Variants in ZCCHC4 observed in about 807,000 individuals in gnomAD.
The protein encoded by ZCCHC4 is rRNA N(6)-adenosine-methyltransferase ZCCHC4.
A neutral mutation model predicts 67.7 loss-of-function variants in ZCCHC4; 54 were observed. The ratio of observed to expected loss-of-function variants is 0.80; its 90% CI spans 0.64 to 1.00. The LOEUF (loss-of-function observed/expected upper bound fraction) is 1.00. ZCCHC4 is among the 50% of genes least tolerant of loss of function. The pLI is 0.00. For missense variants in ZCCHC4, 609 were observed against 617.0 expected (o/e 0.99, Z 0.14); for synonymous variants, 198 against 213.5 (o/e 0.93, Z 0.63).
chr4:25,349,410 T>A, intron 6 of ZCCHC4, 82 bp from the exon 7 acceptor site: 1 of 1,358,982 alleles, frequency 7.4e-7, no homozygotes, highest in African/African-American at 1.5e-5. Flanking sequence ...AGAGAGAGAC[T>A]GAGTCTAATG....
At chr4:25,319,797 G>A (rs1309049716) in intron 3 of ZCCHC4, among the ~76,000 whole-genome samples, 2 of 151,966 alleles carry the variant, frequency 1.3e-5, no homozygotes, top group Non-Finnish European at 2.9e-5. Context: ...ATTTTCTAAT[G>A]TGGATAATTT....
chr4:25,327,317 T>C (rs1718932027), intron 3 of ZCCHC4, among the ~76,000 whole-genome samples: 1 of 152,164 alleles, frequency 6.6e-6, no homozygotes, highest in African/African-American at 2.4e-5. Context: ...GCAATAGGTT[T>C]TTCTTTGATG....
chr4:25,334,069 C>G (rs1466312949), intron 5 of ZCCHC4, 81 bp downstream of exon 5: 34 of 869,540 alleles, frequency 3.9e-5, no homozygotes, highest in Non-Finnish European at 5.3e-5. Context: ...TGTTTATACT[C>G]TGTTACAACT....
rs767073497 is a variant in ZCCHC4, at chr4:25,364,581, T to C, written c.1261+76T>C. The C allele has an allele frequency of 8.4e-6, 11 of 1,306,062 alleles. No individual in the cohort carries two copies. The East Asian group carries it at 1.2e-4, about 15-fold the overall frequency. 80.9% of individuals were successfully genotyped at this position (1,306,062 alleles called of 1,614,324 possible). The stretch of plus-strand genomic sequence containing the variant: ...TTTCTCCATCTAAATAGATTTTTCA[T>C]TGGATTTATAAACGAAAAAATAATC... On this transcript the variant is annotated intron_variant, in intron 11 of 12. Transcript: ENST00000302874.
At chr4:25,351,227 G>C (rs1720284159) in intron 7 of ZCCHC4, among the ~76,000 whole-genome samples, 1 of 152,190 alleles carries the variant, frequency 6.6e-6, no homozygotes. Flanking sequence ...AAGACCTACT[G>C]CCTTCTAGTC....
At chr4:25,321,668 T>C (rs10084800) in intron 3 of ZCCHC4, among the ~76,000 whole-genome samples, 78,367 of 151,942 alleles carry the variant, frequency 0.52, 21,621 homozygotes, top group Non-Finnish European at 0.61. Flanking sequence ...CCACGGCGCC[T>C]GGCTGGCTAG....
chr4:25,362,844 C>G lies in ZCCHC4; in HGVS notation c.1209+543C>G, dbSNP rs1720802721. The stretch of plus-strand genomic sequence containing the variant: ...TTTATTTATTTAGGTATTATTTTTT[C>G]TTAATAGACTTGGTTCTTTAAAGCA... On this transcript the variant is annotated intron_variant, in intron 10 of 12. Transcript: ENST00000302874. Among the ~76,000 whole-genome samples, 3 of 152,104 alleles carry G rather than the reference C, an allele frequency of 2.0e-5. No individual in the cohort carries two copies. The South Asian group carries it at 6.2e-4, about 32-fold the overall frequency.
In ZCCHC4 at chr4:25,333,466, A is replaced by G; in HGVS notation, c.605+8A>G. 6.2e-7 allele frequency: 1 copy of G among 1,612,392 alleles called. No individual in the cohort carries two copies. Among genetic ancestry groups the G allele is most frequent in the Non-Finnish European group, 8.5e-7 (1 of 1,179,016 alleles). ...GTGTGTTGGAACACCAAGGTATGTCATGTGATTTTTTAAAGAATTATCTTC... is the reference window on the plus strand; with the variant it reads ...GTGTGTTGGAACACCAAGGTATGTCGTGTGATTTTTTAAAGAATTATCTTC... On this transcript the variant is annotated splice_region_variant and intron_variant, in intron 4 of 12. Coordinates refer to ENST00000302874, the MANE Select transcript of ZCCHC4 (RefSeq NM_024936.3).
Position 25,369,223 on chromosome 4 carries a change from G to A in ZCCHC4, c.*59G>A. On this transcript the variant is annotated 3_prime_UTR_variant, in exon 13 of 13. Coordinates refer to ENST00000302874, the MANE Select transcript of ZCCHC4 (RefSeq NM_024936.3). The stretch of plus-strand genomic sequence containing the variant: ...GGTCCAACCTTTGATGCCATTTTCT[G>A]AAAGTGCCACACTGGACTTAAATTC... The A allele has an allele frequency of 6.3e-7, 1 of 1,598,038 alleles. No individual in the cohort carries two copies. Among genetic ancestry groups the A allele is most frequent in the Non-Finnish European group, 8.5e-7 (1 of 1,175,642 alleles).
intron 3 of ZCCHC4, among the ~76,000 whole-genome samples, chr4:25,322,051 T>A (rs971815192): frequency 2.0e-5 from 3 of 152,220 alleles, no homozygotes; most frequent in African/African-American, 7.2e-5. Flanking sequence ...ACGGCAATTA[T>A]AAATCATATC....
In ZCCHC4 at chr4:25,359,959, C is replaced by A. The variant is rs1199335641; in HGVS notation, c.1012-1900C>A. Among the ~76,000 whole-genome samples the A allele has an allele frequency of 6.6e-6, 1 of 152,246 alleles. No homozygotes were observed. The highest frequency in any genetic ancestry group is 6.5e-5 in the Admixed American group (1 of 15,280). Reference sequence around the variant, plus strand: ...GTGCTGGTAGACACCAGCGCAGATACATTCTGGGGTTGGATATTTTACATG... The same window carrying A: ...GTGCTGGTAGACACCAGCGCAGATAAATTCTGGGGTTGGATATTTTACATG... On this transcript the variant is annotated intron_variant, in intron 8 of 12. Coordinates refer to ENST00000302874, the MANE Select transcript of ZCCHC4 (RefSeq NM_024936.3). The surrounding 1 kb of genome is among the most constrained non-coding windows in gnomAD (Gnocchi z 4.9).
At chr4:25,360,083 AG>A in intron 8 of ZCCHC4, among the ~76,000 whole-genome samples, 1 of 152,236 alleles carries the variant, frequency 6.6e-6, no homozygotes, top group Non-Finnish European at 1.5e-5. Flanking sequence ...ATTCTTTTCC[AG>A]AGAGCCAGGA....
At chr4:25,321,244 T>A (rs1718570186) in intron 3 of ZCCHC4, among the ~76,000 whole-genome samples, 1 of 152,124 alleles carries the variant, frequency 6.6e-6, no homozygotes, top group Non-Finnish European at 1.5e-5. Flanking sequence ...TTCTTTCTCT[T>A]CTTTCCTTTC....
Position 25,369,050 on chromosome 4 carries a change from A to G in ZCCHC4, c.1428A>G (p.Gln476=). 2 of 1,611,730 alleles carry G rather than the reference A, an allele frequency of 1.2e-6. No homozygotes were observed. The highest frequency in any genetic ancestry group is 1.7e-6 in the Non-Finnish European group (2 of 1,179,558). ...CCAGAGCTGTCAGAAAGCAGAAGCA[A>G]AGAAAAAGTAATAAGATGAAAATGG... ...RANKAVRKQK[Q]RKSNKMKMET... The change falls in exon 13 of 13, where the codon CAA becomes CAG. Residue 476 remains glutamine (Q), a synonymous_variant. Transcript: ENST00000302874.
chr4:25,357,399 G>C (rs1720560244), intron 8 of ZCCHC4, among the ~76,000 whole-genome samples: 1 of 152,066 alleles, frequency 6.6e-6, no homozygotes, highest in South Asian at 2.1e-4. Context: ...TTCCAAATAG[G>C]CCAACTGTGA....
chr4:25,351,101 C>T (rs1169306951), intron 7 of ZCCHC4, among the ~76,000 whole-genome samples: 4 of 152,200 alleles, frequency 2.6e-5, no homozygotes, highest in African/African-American at 9.6e-5. Flanking sequence ...TTCCCTGTCT[C>T]TCACAAACAC....
Position 25,326,995 on chromosome 4 carries a change from A to G in ZCCHC4, c.330-6188A>G, listed in dbSNP as rs552954673. Among the ~76,000 whole-genome samples the G allele has an allele frequency of 9.2e-5, 14 of 152,288 alleles. 1 individual carries two copies. Among genetic ancestry groups the G allele is most frequent in the Admixed American group, 5.2e-4 (8 of 15,304 alleles). ...TTAAAATTTCAGTTTCTAATTGTCT[A>G]TTGCTAGACTCTAACAATACAGTTG... On this transcript the variant is annotated intron_variant, in intron 3 of 12. Transcript: ENST00000302874.
rs1308079773 is a variant in ZCCHC4, at chr4:25,365,121, A to G, written c.1361A>G (p.Lys454Arg). ...GCFICGELDHKRSTCPNIATS... is the reference protein window; with the variant it reads ...GCFICGELDHRRSTCPNIATS... ...TTTATTTGTGGTGAACTGGATCATA[A>G]ACGCAGTACTTGTCCTAACATTGCT... The change falls in exon 12 of 13, where the codon AAA becomes AGA. Residue 454 changes from lysine to arginine, a missense_variant. Coordinates refer to ENST00000302874, the MANE Select transcript of ZCCHC4 (RefSeq NM_024936.3). 5 of 1,614,102 alleles carry G rather than the reference A, an allele frequency of 3.1e-6. No individual in the cohort carries two copies. The African/African-American group carries it at 4.0e-5, about 13-fold the overall frequency.
chr4:25,336,217 A>G (rs974866905), intron 5 of ZCCHC4, among the ~76,000 whole-genome samples: 4 of 152,136 alleles, frequency 2.6e-5, no homozygotes, highest in Non-Finnish European at 1.5e-5. Flanking sequence ...TGCACATTTT[A>G]TATAAATAGA....
Sources: allele counts gnomAD v4.1 joint callset (sites outside exome capture counted in the v4.1 genomes callset), GRCh38; gene constraint gnomAD v4.1.1; non-coding constraint Gnocchi (gnomAD v3.1); transcripts MANE v1.5; gene names NCBI Gene and HGNC (gene_info 2026-07-23, HGNC 2026-07-21).